RASSF9: variants seen among roughly 807,000 people sequenced by gnomAD.
RASSF9 encodes ras association domain-containing protein 9.
Under a neutral mutation model 21.4 loss-of-function variants are expected in RASSF9, and 18 were observed. The ratio of observed to expected loss-of-function variants is 0.84; its 90% confidence interval spans 0.58 to 1.25. RASSF9 has a LOEUF of 1.25. Among genes scored for constraint, RASSF9 ranks in the 50% most tolerant of loss-of-function variants. RASSF9 has a pLI of 0.00. For missense variants in RASSF9, 480 were observed against 503.2 expected (o/e 0.95, Z 0.44); for synonymous variants, 183 against 179.1 (o/e 1.02, Z -0.18).
chr12:85,835,033 A>C (rs1880529531), intron 1 of RASSF9, among the ~76,000 whole-genome samples: 1 of 152,142 alleles, frequency 6.6e-6, no homozygotes, highest in African/African-American at 2.4e-5. Flanking sequence ...TTGTCACCTA[A>C]ATCATGAATA....
At chr12:85,821,679 A>T (rs1836681593) in intron 1 of RASSF9, among the ~76,000 whole-genome samples, 1 of 151,988 alleles carries the variant, frequency 6.6e-6, no homozygotes, top group Admixed American at 6.6e-5. Context: ...GTGTGTGTTT[A>T]TTTGTATTTA....
At chr12:85,808,721 A>G (rs954921977) in intron 1 of RASSF9, among the ~76,000 whole-genome samples, 1 of 152,088 alleles carries the variant, frequency 6.6e-6, no homozygotes, top group Admixed American at 6.5e-5. Flanking sequence ...ACATAGAGTT[A>G]ATTTACTTCA....
intron 1 of RASSF9, among the ~76,000 whole-genome samples, chr12:85,820,818 G>A (rs1880190367): frequency 6.6e-6 from 1 of 152,092 alleles, no homozygotes. Context: ...AAGTTTCAAA[G>A]CATGATATGT....
chr12:85,807,586 T>C (rs1161393184), intron 1 of RASSF9, among the ~76,000 whole-genome samples: 1 of 151,958 alleles, frequency 6.6e-6, no homozygotes, highest in Non-Finnish European at 1.5e-5. Flanking sequence ...ACAGATATCA[T>C]AAAGGAATCA....
At chr12:85,817,894 G>A (rs575023828) in intron 1 of RASSF9, among the ~76,000 whole-genome samples, 1 of 152,240 alleles carries the variant, frequency 6.6e-6, no homozygotes, top group Admixed American at 6.5e-5. Flanking sequence ...CAACAATAAA[G>A]TTAAGTAGTC....
chr12:85,818,591 T>G (rs916690568), intron 1 of RASSF9, among the ~76,000 whole-genome samples: 1 of 152,212 alleles, frequency 6.6e-6, no homozygotes, highest in Non-Finnish European at 1.5e-5. Flanking sequence ...CAATGCAATA[T>G]TCAATAATTG....
intron 1 of RASSF9, among the ~76,000 whole-genome samples, chr12:85,818,873 G>C (rs61930070): frequency 0.062 from 9,373 of 151,126 alleles, 420 homozygotes; most frequent in Middle Eastern, 0.18. Flanking sequence ...GCAGGAGAAT[G>C]GCGTGAACCC....
intron 1 of RASSF9, among the ~76,000 whole-genome samples, chr12:85,809,733 A>G (rs1879911696): frequency 6.6e-6 from 1 of 151,428 alleles, no homozygotes; most frequent in African/African-American, 2.4e-5. Flanking sequence ...ATTCCCCAAT[A>G]CTCCCATGAC....
At chr12:85,816,734 A>T (rs958115357) in intron 1 of RASSF9, among the ~76,000 whole-genome samples, 2 of 152,182 alleles carry the variant, frequency 1.3e-5, no homozygotes, top group Non-Finnish European at 2.9e-5. Flanking sequence ...ACAAAGCAGT[A>T]AGCACAGATT....
At position 85,806,672 on chromosome 12, in the gene RASSF9, C is replaced by CAAAA. The variant is rs71076150; in HGVS notation, c.48-714_48-711dup. Among the ~76,000 whole-genome samples, 42 of 54,842 alleles carry CAAAA rather than the reference C, an allele frequency of 7.7e-4. 2 individuals are homozygous for CAAAA. The highest frequency in any genetic ancestry group is 2.3e-3 in the African/African-American group (35 of 15,176). 36.0% of individuals were successfully genotyped at this position (54,842 alleles called of 152,430 possible). On this transcript the variant is annotated intron_variant, in intron 1 of 1. Coordinates refer to ENST00000361228, the MANE Select transcript of RASSF9 (RefSeq NM_005447.4). ...TGGGCAACAGCGTGAGACTCCATCT[C>CAAAA]AAAAAAAAAAAAAAAAAAAAAAAAA...
At chr12:85,831,195 T>G (rs957392763) in intron 1 of RASSF9, among the ~76,000 whole-genome samples, 6 of 152,064 alleles carry the variant, frequency 3.9e-5, no homozygotes, top group African/African-American at 1.2e-4. Flanking sequence ...TAGAGCCACA[T>G]ATTTGTGAAT....
At chr12:85,820,972 T>C (rs1185501828) in intron 1 of RASSF9, among the ~76,000 whole-genome samples, 4 of 151,894 alleles carry the variant, frequency 2.6e-5, no homozygotes, top group Non-Finnish European at 5.9e-5. Flanking sequence ...GGTGAAACCC[T>C]GTCTCTACTA....
intron 1 of RASSF9, among the ~76,000 whole-genome samples, chr12:85,830,088 C>T (rs61185299): frequency 0.027 from 4,121 of 152,152 alleles, 212 homozygotes; most frequent in African/African-American, 0.094. Context: ...TAAACTATCT[C>T]AAATGAGTAG....
chr12:85,807,159 A>C (rs1879853915), intron 1 of RASSF9, among the ~76,000 whole-genome samples: 2 of 152,190 alleles, frequency 1.3e-5, no homozygotes, highest in Non-Finnish European at 2.9e-5. Flanking sequence ...CCATTATCAA[A>C]AAGAGGCAAT....
At chr12:85,817,020 G>C (rs1225251740) in intron 1 of RASSF9, among the ~76,000 whole-genome samples, 1 of 152,042 alleles carries the variant, frequency 6.6e-6, no homozygotes, top group Non-Finnish European at 1.5e-5. Flanking sequence ...AAGAAGACAA[G>C]ATATTATATT....
rs1592525950 is a variant in RASSF9 at position 85,805,518 on chromosome 12, A to G, written c.492T>C (p.Thr164=). The G allele has an allele frequency of 6.2e-7, 1 of 1,613,916 alleles. No homozygotes were observed. The highest frequency in any genetic ancestry group is 8.5e-7 in the Non-Finnish European group (1 of 1,179,884). The part of the protein sequence containing the change: ...PDKQKRIVRK[T]FRKLAKIKQD... ...GCTTAATTTTAGCCAGTTTCCGGAAAGTTTTCCTGACTATTCTTTTTTGTT... is the reference window on the plus strand; with the variant it reads ...GCTTAATTTTAGCCAGTTTCCGGAAGGTTTTCCTGACTATTCTTTTTTGTT... The change falls in exon 2 of 2, where the codon ACT becomes ACC. Residue 164 remains threonine, a synonymous_variant. Coordinates refer to ENST00000361228, the MANE Select transcript of RASSF9 (RefSeq NM_005447.4).
chr12:85,813,245 A>T (rs888169908), intron 1 of RASSF9, among the ~76,000 whole-genome samples: 1 of 151,910 alleles, frequency 6.6e-6, no homozygotes, highest in African/African-American at 2.4e-5. Flanking sequence ...ATTAGTGAAA[A>T]ATTGAATATG....
chr12:85,828,024 A>T (rs929755020), intron 1 of RASSF9, among the ~76,000 whole-genome samples: 3 of 152,182 alleles, frequency 2.0e-5, no homozygotes, highest in African/African-American at 7.2e-5. Context: ...CAACATATGG[A>T]TTATATTATG....
intron 1 of RASSF9, among the ~76,000 whole-genome samples, chr12:85,815,142 C>T (rs1880032392): frequency 6.6e-6 from 1 of 151,738 alleles, no homozygotes; most frequent in African/African-American, 2.4e-5. Flanking sequence ...GAAAGGGAAA[C>T]CCCACACACA....
Sources: allele counts gnomAD v4.1 joint callset (sites outside exome capture counted in the v4.1 genomes callset), GRCh38; gene constraint gnomAD v4.1.1; transcripts MANE v1.5; gene names NCBI Gene and HGNC (gene_info 2026-07-23, HGNC 2026-07-21).